The following LPP variants were observed in gnomAD, a reference collection of about 807,000 sequenced individuals.
The protein encoded by LPP is LIM domain containing preferred translocation partner in lipoma, also known as lipoma-preferred partner.
Under a neutral mutation model 60.4 loss-of-function variants are expected in LPP, and 38 were observed. The ratio of observed to expected loss-of-function variants is 0.63; its 90% confidence interval spans 0.49 to 0.83. LPP has a LOEUF of 0.83. LPP is among the 40% of genes least tolerant of loss of function. The probability of loss-of-function intolerance (pLI) is 0.00; values close to 1 mark genes in which losing one functional copy is unlikely to be tolerated. For synonymous variants in LPP, 328 were observed against 290.8 expected, an observed-to-expected ratio of 1.13 and a Z score of -1.30; for missense variants, 902 against 783.6, an observed-to-expected ratio of 1.15 and a Z score of -1.80.
Position 188,888,110 on chromosome 3 carries a change from A to G in LPP, c.*13631A>G, listed in dbSNP as rs948139968. On this transcript the variant is annotated 3_prime_UTR_variant, in exon 12 of 12. Coordinates refer to ENST00000617246, the MANE Select transcript of LPP (RefSeq NM_001375462.1). ...GTTGGATGTAGCGTTGAGCTTTTGCATGTTTTCTGTATAATAAACCACTTT... is the reference window on the plus strand; with the variant it reads ...GTTGGATGTAGCGTTGAGCTTTTGCGTGTTTTCTGTATAATAAACCACTTT... 3 of 220,296 alleles carry G rather than the reference A, an allele frequency of 1.4e-5. No homozygotes were observed. The highest frequency in any genetic ancestry group is 5.8e-5 in the Admixed American group (1 of 17,334). 13.6% of individuals were successfully genotyped at this position (220,296 alleles called of 1,614,324 possible).
chr3:188,654,992 A>C (rs75840505), intron 7 of LPP, among the ~76,000 whole-genome samples: 1 of 152,242 alleles, frequency 6.6e-6, no homozygotes, highest in African/African-American at 2.4e-5. Context: ...TAAATAATTT[A>C]TATGGAACAA....
intron 9 of LPP, among the ~76,000 whole-genome samples, chr3:188,862,634 T>C (rs1765444098): frequency 6.6e-6 from 1 of 151,138 alleles, no homozygotes. Flanking sequence ...AGCACGCTAC[T>C]GATATTGAAG....
intron 9 of LPP, among the ~76,000 whole-genome samples, chr3:188,861,455 A>G (rs925830525): frequency 6.6e-6 from 1 of 152,208 alleles, no homozygotes; most frequent in African/African-American, 2.4e-5. Context: ...TAATCACTTT[A>G]TAGTCTTCTG....
At chr3:188,330,699 C>T (rs929282330) in intron 2 of LPP, among the ~76,000 whole-genome samples, 4 of 151,996 alleles carry the variant, frequency 2.6e-5, no homozygotes, top group Admixed American at 2.0e-4. Context: ...GCCTGTAGCC[C>T]CAACTACTCA....
At chr3:188,218,807 G>A (rs1363090551) in intron 1 of LPP, among the ~76,000 whole-genome samples, 1 of 152,150 alleles carries the variant, frequency 6.6e-6, no homozygotes, top group Non-Finnish European at 1.5e-5. Context: ...GCCAGAAATA[G>A]CACTATGAAT....
At chr3:188,363,025 T>G (rs1769974040) in intron 3 of LPP, among the ~76,000 whole-genome samples, 1 of 71,932 alleles carries the variant, frequency 1.4e-5, no homozygotes, top group Non-Finnish European at 2.9e-5. Flanking sequence ...TATTATCTAT[T>G]TATTTTATTT....
rs1055010302 is a variant in LPP at position 188,352,093 on chromosome 3, C to G, written c.-10+10374C>G. On this transcript the variant is annotated intron_variant, in intron 3 of 11. Coordinates refer to ENST00000617246, the MANE Select transcript of LPP (RefSeq NM_001375462.1). The surrounding 1 kb of genome is among the most constrained non-coding windows in gnomAD (Gnocchi z 4.4). ...CTATTACTTTTGCTTCTTCCCCTTC[C>G]TCCTTCTCCTGACTTAACCTTGGGT... Among the ~76,000 whole-genome samples, 4 of 152,180 alleles carry G rather than the reference C, an allele frequency of 2.6e-5. No individual in the cohort carries two copies. The highest frequency in any genetic ancestry group is 9.7e-5 in the African/African-American group (4 of 41,426).
chr3:188,315,338 T>C (rs1754713226), intron 2 of LPP, among the ~76,000 whole-genome samples: 2 of 152,116 alleles, frequency 1.3e-5, no homozygotes, highest in East Asian at 1.9e-4. Context: ...ATTTAAAAAA[T>C]AGCTTTTGCA....
chr3:188,813,607 A>G (rs1751676875), intron 9 of LPP, among the ~76,000 whole-genome samples: 1 of 152,156 alleles, frequency 6.6e-6, no homozygotes, highest in Non-Finnish European at 1.5e-5. Flanking sequence ...TTGTAGTTGC[A>G]TTACTCAGTT....
chr3:188,850,639 A>C lies in LPP; in HGVS notation c.1411-15561A>C, dbSNP rs1762479158. Among the ~76,000 whole-genome samples, 8 of 152,320 alleles carry C rather than the reference A, an allele frequency of 5.3e-5. No individual in the cohort carries two copies. In the South Asian group the frequency reaches 1.4e-3, roughly 28 times the overall value. On this transcript the variant is annotated intron_variant, in intron 9 of 11. Coordinates refer to ENST00000617246, the MANE Select transcript of LPP (RefSeq NM_001375462.1). ...GTTTATATTTTTTAAAAAAAGAAAG[A>C]AAACAAGACTGGTAGAGAAGATAGT...
At chr3:188,320,163 G>C (rs1756507373) in intron 2 of LPP, among the ~76,000 whole-genome samples, 1 of 152,158 alleles carries the variant, frequency 6.6e-6, no homozygotes, top group Non-Finnish European at 1.5e-5. Flanking sequence ...ATAGTGGCCA[G>C]TTTTGTTTTA....
chr3:188,827,051 G>A (rs1755740382), intron 9 of LPP, among the ~76,000 whole-genome samples: 1 of 152,052 alleles, frequency 6.6e-6, no homozygotes, highest in South Asian at 2.1e-4. Flanking sequence ...TTTGACTGGG[G>A]GCTTTTAAAA....
chr3:188,181,352 CAAAAAAAAAA>C (rs11330297), intron 1 of LPP, among the ~76,000 whole-genome samples: 1 of 111,574 alleles, frequency 9.0e-6, no homozygotes, highest in South Asian at 2.8e-4. Context: ...AATTCCGTCT[CAAAAAAAAAA>C]AAAAAAAAGA....
chr3:188,490,660 G>A (rs892397747), intron 5 of LPP, among the ~76,000 whole-genome samples: 1 of 151,444 alleles, frequency 6.6e-6, no homozygotes, highest in African/African-American at 2.4e-5. Flanking sequence ...CACCATGCCC[G>A]GCCTCATTTT....
At chr3:188,376,922 A>T (rs1388360143) in intron 3 of LPP, among the ~76,000 whole-genome samples, 5 of 152,136 alleles carry the variant, frequency 3.3e-5, no homozygotes, top group Admixed American at 1.3e-4. Flanking sequence ...ATCTCTCAGC[A>T]TTTGCTTGTC....
At chr3:188,464,227 A>G (rs996785050) in intron 4 of LPP, among the ~76,000 whole-genome samples, 3 of 152,184 alleles carry the variant, frequency 2.0e-5, no homozygotes, top group African/African-American at 7.2e-5. Context: ...TATTTTTTGG[A>G]TGGCTTAGGG....
At chr3:188,314,688 T>C (rs1754517851) in intron 2 of LPP, among the ~76,000 whole-genome samples, 1 of 151,924 alleles carries the variant, frequency 6.6e-6, no homozygotes, top group Non-Finnish European at 1.5e-5. Context: ...GGGCATGGTG[T>C]CATGCGCCTG....
rs372778659 is a variant in LPP at position 188,874,321 on chromosome 3, T to G, written c.1711-30T>G. 4 of 1,595,202 alleles carry G rather than the reference T, an allele frequency of 2.5e-6. No individual in the cohort carries two copies. The African/African-American group carries it at 5.4e-5, about 21-fold the overall frequency. On this transcript the variant is annotated intron_variant, in intron 11 of 11. Coordinates refer to ENST00000617246, the MANE Select transcript of LPP (RefSeq NM_001375462.1). ...CATGTGTACTTAACGTTTTTACTTA[T>G]GTCGTTTCCATCTGTCTTTACTGTT... is the stretch of plus-strand genomic sequence containing the variant.
intron 1 of LPP, among the ~76,000 whole-genome samples, chr3:188,221,007 C>T (rs891616906): frequency 6.6e-6 from 1 of 152,124 alleles, no homozygotes; most frequent in Non-Finnish European, 1.5e-5. Context: ...TGTGTCACTT[C>T]CCGAAACGCA....
Sources: gnomAD v4.1 joint callset for allele counts (sites outside exome capture counted in the v4.1 genomes callset) on GRCh38, gnomAD v4.1.1 for gene constraint, Gnocchi (gnomAD v3.1) non-coding constraint, MANE v1.5 for transcripts, NCBI Gene and HGNC (gene_info 2026-07-23, HGNC 2026-07-21) for gene names.